Variants in ABI3BP observed in about 807,000 individuals in gnomAD.
The protein encoded by ABI3BP is target of Nesh-SH3.
In ABI3BP, 216 loss-of-function variants were observed where a neutral mutation model predicts 268.6. The ratio of observed to expected loss-of-function variants is 0.80; its 90% CI spans 0.72 to 0.90. The LOEUF is 0.90. ABI3BP is among the 40% of genes least tolerant of loss of function. The pLI, the probability that ABI3BP is intolerant of heterozygous loss-of-function variation, is 0.00. For synonymous variants in ABI3BP, 730 were observed against 730.0 expected, an observed-to-expected ratio of 1.00 and a Z score of 0.00; for missense variants, 2,090 against 2,182.4, an observed-to-expected ratio of 0.96 and a Z score of 0.84.
intron 10 of ABI3BP, 68 bp downstream of exon 10, chr3:100,866,811 T>C: frequency 7.7e-7 from 1 of 1,305,418 alleles, no homozygotes; most frequent in Non-Finnish European, 1.1e-6. Flanking sequence ...AAAAAAAGAC[T>C]GCAGATTAGT....
intron 2 of ABI3BP, among the ~76,000 whole-genome samples, chr3:100,910,370 G>C (rs367631439): frequency 6.6e-6 from 1 of 151,790 alleles, no homozygotes; most frequent in Non-Finnish European, 1.5e-5. Context: ...TAACAAACCT[G>C]CATATTCTGC....
intron 55 of ABI3BP, 114 bp from the exon 56 acceptor site, chr3:100,789,630 G>T: frequency 1.0e-6 from 1 of 994,146 alleles, no homozygotes; most frequent in African/African-American, 1.7e-5. Context: ...GTATAAAGAA[G>T]GTTCAGAAAA....
intron 57 of ABI3BP, 112 bp from the exon 58 acceptor site, chr3:100,780,321 T>G: frequency 1.0e-6 from 1 of 959,098 alleles, no homozygotes; most frequent in Non-Finnish European, 1.6e-6. Context: ...AGCATTGGTG[T>G]TTTTATGCCA....
rs551108143 is a variant in ABI3BP at position 100,825,389 on chromosome 3, T to A, written c.2662+396A>T. On this transcript the variant is annotated intron_variant, in intron 35 of 67. Coordinates refer to ENST00000471714, the MANE Select transcript of ABI3BP (RefSeq NM_001375547.2). The stretch of plus-strand genomic sequence containing the variant: ...AACATACTGGGCATTTTTTTTTTTT[T>A]AAATCTAGAAACTCAGATGTGCAAA... 1.8e-3 allele frequency among the ~76,000 whole-genome samples: 265 copies of A among 147,404 alleles called. 3 individuals are homozygous for A. The South Asian group carries it at 0.022, about 12-fold the overall frequency.
chr3:100,752,580 A>T, intron 66 of ABI3BP: 1 of 496,740 alleles, frequency 2.0e-6, no homozygotes, highest in Non-Finnish European at 3.5e-6. Context: ...TTATAATTGC[A>T]TTTTTATTAT....
intron 29 of ABI3BP, among the ~76,000 whole-genome samples, chr3:100,834,227 T>C (rs61415733): frequency 0.077 from 11,685 of 152,210 alleles, 739 homozygotes; most frequent in East Asian, 0.27. Flanking sequence ...CTCTAAGAAT[T>C]AACGATGTGC....
chr3:100,852,717 G>T (rs2098867444), intron 14 of ABI3BP, among the ~76,000 whole-genome samples: 1 of 152,132 alleles, frequency 6.6e-6, no homozygotes, highest in African/African-American at 2.4e-5. Context: ...TCTCCATACA[G>T]CCATGAGCCT....
intron 23 of ABI3BP, 64 bp downstream of exon 23, chr3:100,840,008 T>A (rs1410309627): frequency 7.2e-7 from 1 of 1,380,324 alleles, no homozygotes; most frequent in African/African-American, 1.4e-5. Flanking sequence ...AAGTAGCTGA[T>A]ATCAAACCAG....
chr3:100,830,108 T>TAC (rs1442766174), intron 32 of ABI3BP, among the ~76,000 whole-genome samples: 2 of 38,722 alleles, frequency 5.2e-5, no homozygotes, highest in African/African-American at 2.7e-4. Flanking sequence ...CATACATACA[T>TAC]ACATATATAT....
intron 1 of ABI3BP, among the ~76,000 whole-genome samples, chr3:100,942,008 G>A (rs1385149922): frequency 3.3e-5 from 5 of 152,030 alleles, no homozygotes; most frequent in Non-Finnish European, 7.4e-5. Flanking sequence ...AAGGAAGTGG[G>A]ACAGTGACAT....
At chr3:100,928,920 A>G (rs2153654779) in intron 1 of ABI3BP, among the ~76,000 whole-genome samples, 1 of 152,172 alleles carries the variant, frequency 6.6e-6, no homozygotes, top group Middle Eastern at 3.4e-3. Flanking sequence ...GTTTTGTGTG[A>G]ACTTTGCCAG....
rs1559785767 is a variant in ABI3BP at position 100,752,805 on chromosome 3, AG to A, written c.5103del (p.Leu1702Ter). On this transcript the variant is annotated frameshift_variant, in exon 66 of 68. Coordinates refer to ENST00000471714, the MANE Select transcript of ABI3BP (RefSeq NM_001375547.2). LOFTEE classifies it high-confidence loss of function. ...TGCTTACCTGTGAGGGAGTCGCTCA[AG>A]TAAATCTTGTATCTGAGAGAGTTGC... ...QLCNSLRYKIYLSDSLTGKFY... is the reference protein window; with the variant it reads ...QLCNSLRYKIXLSDSLTGKFY... The A allele has an allele frequency of 6.2e-7, 1 of 1,613,276 alleles. No individual in the cohort carries two copies. Among genetic ancestry groups the A allele is most frequent in the Admixed American group, 1.7e-5 (1 of 59,988 alleles).
At chr3:100,944,227 T>C (rs1165840833) in intron 1 of ABI3BP, among the ~76,000 whole-genome samples, 2 of 152,188 alleles carry the variant, frequency 1.3e-5, no homozygotes, top group African/African-American at 4.8e-5. Flanking sequence ...GTTTTTAATT[T>C]TTAAAAATCC....
intron 2 of ABI3BP, 36 bp from the exon 3 acceptor site, chr3:100,902,722 T>A (rs1184716631): frequency 3.8e-6 from 6 of 1,588,852 alleles, no homozygotes; most frequent in Non-Finnish European, 4.3e-6. Context: ...GAAAAACCCT[T>A]TGAGAACCAG....
At chr3:100,979,727 G>A (rs1450552713) in intron 1 of ABI3BP, among the ~76,000 whole-genome samples, 3 of 152,170 alleles carry the variant, frequency 2.0e-5, no homozygotes, top group African/African-American at 4.8e-5. Context: ...TCCGGCATAA[G>A]TGAAAATAGA....
intron 1 of ABI3BP, among the ~76,000 whole-genome samples, chr3:100,989,554 C>T (rs937682570): frequency 1.3e-5 from 2 of 152,216 alleles, no homozygotes; most frequent in East Asian, 3.8e-4. Context: ...TCTGCCATAT[C>T]CCAAGAGTCA....
At chr3:100,781,729 C>G (rs1299174464) in intron 57 of ABI3BP, among the ~76,000 whole-genome samples, 3 of 152,156 alleles carry the variant, frequency 2.0e-5, no homozygotes, top group African/African-American at 4.8e-5. Flanking sequence ...TGAGTAGACC[C>G]TTCTTTACAG....
At chr3:100,912,183 C>T (rs900029305) in intron 2 of ABI3BP, 6 of 276,680 alleles carry the variant, frequency 2.2e-5, no homozygotes, top group Admixed American at 1.1e-4. Context: ...TTCGTGCTGC[C>T]GTCGGCTCAG....
intron 20 of ABI3BP, among the ~76,000 whole-genome samples, chr3:100,842,614 T>C (rs948605681): frequency 1.3e-5 from 2 of 152,210 alleles, no homozygotes; most frequent in Non-Finnish European, 2.9e-5. Flanking sequence ...TTTGGACTGG[T>C]AAACCAATGA....
Sources: allele counts gnomAD v4.1 joint callset (sites outside exome capture counted in the v4.1 genomes callset), GRCh38; gene constraint gnomAD v4.1.1; transcripts MANE v1.5; gene names NCBI Gene and HGNC (gene_info 2026-07-23, HGNC 2026-07-21).